WDR7: variants seen among roughly 807,000 people sequenced by gnomAD.
WDR7 encodes WD repeat domain 7.
A neutral mutation model predicts 169.4 loss-of-function variants in WDR7; 46 were observed. That is an observed-to-expected ratio of 0.27 (90% CI 0.21 to 0.35). The LOEUF is 0.35. Among genes scored for constraint, WDR7 ranks in the 10% least tolerant of loss-of-function variants. The pLI is 1.00. For synonymous variants in WDR7, 612 were observed against 666.8 expected (o/e 0.92, Z 1.27); for missense variants, 1,534 against 1,859.3 (o/e 0.83, Z 3.22).
At position 56,974,998 on chromosome 18, in the gene WDR7, G is replaced by A. The variant is rs533581875; in HGVS notation, c.4164+12469G>A. ...CTCACACCTGTAATCCCAGCACTTT[G>A]GGAGGCTGAGGCGGGTGGATCACGG... On this transcript the variant is annotated intron_variant, in intron 26 of 27. Transcript: ENST00000254442. 2.6e-5 allele frequency among the ~76,000 whole-genome samples: 4 copies of A among 152,300 alleles called. No homozygotes were observed. The South Asian group carries it at 8.3e-4, about 32-fold the overall frequency.
chr18:56,690,130 G>T (rs572857568), intron 7 of WDR7, among the ~76,000 whole-genome samples: 1 of 152,224 alleles, frequency 6.6e-6, no homozygotes, highest in African/African-American at 2.4e-5. Flanking sequence ...GAATAATTCT[G>T]CTAGGAATTA....
In WDR7 at chr18:56,682,718, C is replaced by T; in HGVS notation, c.385C>T (p.Leu129Phe). ...TGTTGGGAATCAGCGAGAAGGAAGG[C>T]TTTTATGCCACGGACATTACCCTGA... is the stretch of plus-strand genomic sequence containing the variant. ...FSVGNQREGRLLCHGHYPEIL... is the reference protein window; with the variant it reads ...FSVGNQREGRFLCHGHYPEIL... The change falls in exon 5 of 28, where the codon CTT (leucine) becomes TTT (phenylalanine). Residue 129 changes from leucine to phenylalanine, a missense_variant. Leu to Phe is a conservative substitution (Grantham distance 22). Transcript: ENST00000254442. 1.2e-6 allele frequency: 2 copies of T among 1,613,774 alleles called. No individual in the cohort carries two copies. The highest frequency in any genetic ancestry group is 8.5e-7 in the Non-Finnish European group (1 of 1,179,784).
At chr18:57,030,266 G>T (rs542691920), downstream of WDR7, 3 of 152,320 alleles carry the variant, frequency 2.0e-5, no homozygotes, top group South Asian at 6.2e-4. Flanking sequence ...AGGGTTATGT[G>T]TAAGTAGTGA....
rs181277177 is a variant in WDR7 at position 56,672,466 on chromosome 18, T to A, written c.-19-31T>A. 3.7e-5 allele frequency: 52 copies of A among 1,424,114 alleles called. 1 individual carries two copies. In the African/African-American group the frequency reaches 4.9e-4, roughly 13 times the overall value. The allele number at this position is 1,424,114 out of a possible 1,614,324, so 88.2% of individuals were successfully genotyped here. A position where few individuals can be genotyped will look rare whatever the true frequency, so the allele number is the denominator to read the frequency against. ...TAACATGTTTTCGAGAGAAATATTG[T>A]AATATCTGACAATTTTTATAACATT... On this transcript the variant is annotated intron_variant, in intron 1 of 27. Coordinates refer to ENST00000254442, the MANE Select transcript of WDR7 (RefSeq NM_015285.3).
In WDR7 at chr18:56,705,163, G is replaced by A. The variant is rs2025920327; in HGVS notation, c.1578+8701G>A. The stretch of plus-strand genomic sequence containing the variant: ...TATTTTTAAATGGCAAAAATTGCTA[G>A]GAAGAAATGAATTACCTTTTAAGTG... On this transcript the variant is annotated intron_variant, in intron 12 of 27. Transcript: ENST00000254442. Among the ~76,000 whole-genome samples the A allele has an allele frequency of 2.0e-5, 3 of 152,088 alleles. No homozygotes were observed. In the South Asian group the frequency reaches 6.2e-4, roughly 32 times the overall value.
At chr18:56,677,019 A>G (rs1255223019) in intron 2 of WDR7, among the ~76,000 whole-genome samples, 1 of 152,226 alleles carries the variant, frequency 6.6e-6, no homozygotes, top group East Asian at 1.9e-4. Context: ...ACTTAAGAGT[A>G]GTTTACACAA....
chr18:57,017,441 T>TGC (rs1020555741), intron 26 of WDR7, among the ~76,000 whole-genome samples: 1 of 133,888 alleles, frequency 7.5e-6, no homozygotes, highest in African/African-American at 2.7e-5. Context: ...TGTGTGTGTG[T>TGC]GTGCATGTGT....
intron 14 of WDR7, among the ~76,000 whole-genome samples, chr18:56,744,246 A>G (rs1383224478): frequency 4.7e-5 from 1 of 21,310 alleles, no homozygotes; most frequent in African/African-American, 1.5e-4. Flanking sequence ...CTCAAAAAAG[A>G]AAAAAAAAAA....
At chr18:56,842,359 T>G (rs2045498968) in intron 20 of WDR7, among the ~76,000 whole-genome samples, 1 of 152,090 alleles carries the variant, frequency 6.6e-6, no homozygotes, top group African/African-American at 2.4e-5. Flanking sequence ...CATCCTTTTT[T>G]CAGGAACCAA....
At chr18:56,954,193 T>G (rs1264703287) in intron 25 of WDR7, among the ~76,000 whole-genome samples, 1 of 152,242 alleles carries the variant, frequency 6.6e-6, no homozygotes, top group African/African-American at 2.4e-5. Flanking sequence ...TTAAAGTGTT[T>G]AATACTGTTT....
intron 14 of WDR7, among the ~76,000 whole-genome samples, chr18:56,748,324 A>C (rs1207197274): frequency 6.6e-6 from 1 of 152,070 alleles, no homozygotes; most frequent in Non-Finnish European, 1.5e-5. Context: ...TACTTTGGTA[A>C]CTTGGCCCTT....
intron 19 of WDR7, among the ~76,000 whole-genome samples, chr18:56,815,243 T>C (rs1479091731): frequency 6.6e-6 from 1 of 152,218 alleles, no homozygotes; most frequent in Non-Finnish European, 1.5e-5. Flanking sequence ...GGGAAATTTT[T>C]ATATTATCAT....
intron 2 of WDR7, among the ~76,000 whole-genome samples, chr18:56,678,589 T>C (rs878943466): frequency 2.0e-5 from 3 of 152,034 alleles, no homozygotes; most frequent in East Asian, 1.9e-4. Flanking sequence ...CTCTGCCTCC[T>C]GGGTTCAAGC....
chr18:56,914,028 C>T (rs1467812093), intron 21 of WDR7, among the ~76,000 whole-genome samples: 1 of 152,130 alleles, frequency 6.6e-6, no homozygotes, highest in Non-Finnish European at 1.5e-5. Flanking sequence ...TCTCATGACA[C>T]TTAGAATAAA....
chr18:56,887,993 T>A (rs1207622990), intron 21 of WDR7, among the ~76,000 whole-genome samples: 3 of 151,732 alleles, frequency 2.0e-5, no homozygotes, highest in Admixed American at 2.0e-4. Flanking sequence ...TCCTATTGAA[T>A]GAGAGAATAA....
At chr18:56,745,027 C>T (rs1308732730) in intron 14 of WDR7, among the ~76,000 whole-genome samples, 2 of 152,164 alleles carry the variant, frequency 1.3e-5, no homozygotes, top group Admixed American at 1.3e-4. Flanking sequence ...TCTCCTCCCA[C>T]TGGATAAAGA....
chr18:56,971,986 T>C (rs898910006), intron 26 of WDR7, among the ~76,000 whole-genome samples: 1 of 152,224 alleles, frequency 6.6e-6, no homozygotes, highest in African/African-American at 2.4e-5. Context: ...CAAAGTTACA[T>C]AGTATTAGCA....
intron 5 of WDR7, among the ~76,000 whole-genome samples, chr18:56,683,963 C>A (rs967807812): frequency 6.6e-6 from 1 of 152,046 alleles, no homozygotes; most frequent in Non-Finnish European, 1.5e-5. Flanking sequence ...GATATATAAA[C>A]AAATAACAGT....
intron 16 of WDR7, among the ~76,000 whole-genome samples, chr18:56,763,854 A>G (rs2044020042): frequency 6.6e-6 from 1 of 152,036 alleles, no homozygotes; most frequent in African/African-American, 2.4e-5. Context: ...GTTGTGTGTA[A>G]TCTTTTATTT....
Sources: allele counts gnomAD v4.1 joint callset (sites outside exome capture counted in the v4.1 genomes callset), GRCh38; gene constraint gnomAD v4.1.1; transcripts MANE v1.5; gene names NCBI Gene and HGNC (gene_info 2026-07-23, HGNC 2026-07-21).